PLEKHH1: variants seen among roughly 807,000 people sequenced by gnomAD.
PLEKHH1 encodes pleckstrin homology domain-containing family H member 1.
In PLEKHH1, 104 loss-of-function variants were observed where a neutral mutation model predicts 160.0. That is an observed-to-expected ratio of 0.65 (90% confidence interval 0.55 to 0.76). The LOEUF (loss-of-function observed/expected upper bound fraction) is 0.76, where lower values mean the gene tolerates loss of function less well. Among genes scored for constraint, PLEKHH1 ranks in the 30% least tolerant of loss-of-function variants. The pLI is 0.00. For missense variants in PLEKHH1, 1,427 were observed against 1,724.1 expected, an observed-to-expected ratio of 0.83 and a Z score of 3.05; for synonymous variants, 619 against 678.4, an observed-to-expected ratio of 0.91 and a Z score of 1.36.
intron 1 of PLEKHH1, among the ~76,000 whole-genome samples, chr14:67,538,836 C>T (rs1323819860): frequency 1.3e-5 from 2 of 152,134 alleles, no homozygotes; most frequent in Non-Finnish European, 2.9e-5. Flanking sequence ...TACGGAGATG[C>T]TTGATTGGGG....
At chr14:67,560,726 T>TC (rs1255732315) in intron 5 of PLEKHH1, among the ~76,000 whole-genome samples, 62 of 122,988 alleles carry the variant, frequency 5.0e-4, no homozygotes, top group African/African-American at 1.9e-3. Flanking sequence ...TGAACATATA[T>TC]CTTTTTTTTT....
At chr14:67,538,841 T>C (rs938869588) in intron 1 of PLEKHH1, among the ~76,000 whole-genome samples, 7 of 152,250 alleles carry the variant, frequency 4.6e-5, no homozygotes, top group Admixed American at 1.3e-4. Flanking sequence ...AGATGCTTGA[T>C]TGGGGAAAGC....
chr14:67,542,328 G>C (rs959580393), intron 2 of PLEKHH1, among the ~76,000 whole-genome samples: 3 of 152,042 alleles, frequency 2.0e-5, no homozygotes, highest in African/African-American at 7.3e-5. Flanking sequence ...ACGGTGTTTC[G>C]GGAGAAAACA....
intron 7 of PLEKHH1, 109 bp downstream of exon 7, chr14:67,563,003 T>C: frequency 8.8e-7 from 1 of 1,142,210 alleles, no homozygotes; most frequent in Non-Finnish European, 1.2e-6. Context: ...GGCATCCTCA[T>C]GGTGGCCCTG....
At chr14:67,577,967 G>A in intron 18 of PLEKHH1, 56 bp from the exon 19 acceptor site, 2 of 1,537,358 alleles carry the variant, frequency 1.3e-6, no homozygotes, top group South Asian at 2.4e-5. Context: ...AAGCCGTTGA[G>A]TTCTCTGAAC....
Position 67,569,140 on chromosome 14 carries a change from G to A in PLEKHH1, c.1266G>A (p.Glu422=), listed in dbSNP as rs749753876. 1 of 1,609,670 alleles carries A rather than the reference G, an allele frequency of 6.2e-7. No individual in the cohort carries two copies. The highest frequency in any genetic ancestry group is 1.1e-5 in the South Asian group (1 of 90,972). ...TPPLHQFSSW[E]SRIYAVATSG... is the part of the protein sequence containing the mutation. ...CTTCCTGAGACCTCTTGTTTCAGGA[G>A]AGCCGGATCTATGCTGTGGCCACAT... Residue 422 remains glutamate (E), a splice_region_variant and synonymous_variant, in exon 8 of 29, where the codon GAG becomes GAA. Transcript: ENST00000329153.
chr14:67,586,851 G>A (rs1322938615), intron 28 of PLEKHH1: 10 of 1,503,098 alleles, frequency 6.7e-6, no homozygotes, highest in Non-Finnish European at 8.9e-6. Context: ...TTCTCAGAAG[G>A]GCACTGTGCA....
Position 67,562,904 on chromosome 14 carries a change from A to G in PLEKHH1, c.1263+10A>G. Reference sequence around the variant, plus strand: ...CCAGTTTTCATCCTGGGTAAGAGGCAACCTCCGGGCTGGGCAGAGGAGCAG... The same window carrying G: ...CCAGTTTTCATCCTGGGTAAGAGGCGACCTCCGGGCTGGGCAGAGGAGCAG... On this transcript the variant is annotated intron_variant, in intron 7 of 28. Coordinates refer to ENST00000329153, the MANE Select transcript of PLEKHH1 (RefSeq NM_020715.3). 3 of 1,609,652 alleles carry G rather than the reference A, an allele frequency of 1.9e-6. No individual in the cohort carries two copies. The highest frequency in any genetic ancestry group is 2.2e-5 in the South Asian group (2 of 90,738).
At position 67,582,385 on chromosome 14, in the gene PLEKHH1, C is replaced by T. The variant is rs2035943253; in HGVS notation, c.3426+175C>T. 1.8e-5 allele frequency: 20 copies of T among 1,105,602 alleles called. No individual in the cohort carries two copies. The highest frequency in any genetic ancestry group is 1.2e-4 in the South Asian group (8 of 68,554). 68.5% of individuals were successfully genotyped at this position (1,105,602 alleles called of 1,614,324 possible). The stretch of plus-strand genomic sequence containing the variant: ...CTACAGATCAGAGCTCCTCACTCAC[C>T]GCAGATATAGGATGCGTGCAGATGG... On this transcript the variant is annotated intron_variant, in intron 24 of 28. Coordinates refer to ENST00000329153, the MANE Select transcript of PLEKHH1 (RefSeq NM_020715.3). This position sits in a 1 kb window ranked among gnomAD's most constrained non-coding sequence, Gnocchi z 5.0.
chr14:67,534,101 C>A (rs1253092181), intron 1 of PLEKHH1, among the ~76,000 whole-genome samples: 1 of 152,106 alleles, frequency 6.6e-6, no homozygotes, highest in East Asian at 1.9e-4. Context: ...ACTTGAAAGA[C>A]CATTTAAAAA....
At chr14:67,534,181 T>C (rs1231103067) in intron 1 of PLEKHH1, among the ~76,000 whole-genome samples, 1 of 152,218 alleles carries the variant, frequency 6.6e-6, no homozygotes, top group Non-Finnish European at 1.5e-5. Flanking sequence ...AGACACTGTG[T>C]ATAGGGCTAG....
At position 67,577,429 on chromosome 14, in the gene PLEKHH1, C is replaced by T. The variant is rs748182843; in HGVS notation, c.2574+15C>T. ...AGCTCTTCAAGGTAAATTGGGGTGG[C>T]GGCCAGGCCCACCGCTGGGATACTT... On this transcript the variant is annotated intron_variant, in intron 18 of 28. Transcript: ENST00000329153. The T allele has an allele frequency of 8.8e-6, 13 of 1,478,214 alleles. No individual in the cohort carries two copies. Among genetic ancestry groups the T allele is most frequent in the South Asian group, 3.6e-5 (3 of 82,902 alleles). 91.6% of individuals were successfully genotyped at this position (1,478,214 alleles called of 1,614,324 possible). A position where few individuals can be genotyped will look rare whatever the true frequency, so the allele number is the denominator to read the frequency against.
chr14:67,584,711 G>A (rs1287525921), intron 26 of PLEKHH1, among the ~76,000 whole-genome samples: 1 of 152,194 alleles, frequency 6.6e-6, no homozygotes, highest in Non-Finnish European at 1.5e-5. Flanking sequence ...GTCCAGTGCT[G>A]GTTGTTTGAG....
chr14:67,545,434 G>C (rs1394424469), intron 2 of PLEKHH1, among the ~76,000 whole-genome samples: 1 of 152,062 alleles, frequency 6.6e-6, no homozygotes, highest in East Asian at 1.9e-4. Flanking sequence ...TAATAGGAGG[G>C]ATAACAAATA....
intron 10 of PLEKHH1, 110 bp from the exon 11 acceptor site, chr14:67,572,025 C>T: frequency 6.8e-7 from 1 of 1,479,870 alleles, no homozygotes; most frequent in East Asian, 2.5e-5. Context: ...AGCTCCACCC[C>T]CAGCCCCAGA....
chr14:67,573,832 T>C lies in PLEKHH1; in HGVS notation c.1871T>C (p.Val624Ala). The C allele has an allele frequency of 6.2e-7, 1 of 1,613,734 alleles. No homozygotes were observed. Among genetic ancestry groups the C allele is most frequent in the Non-Finnish European group, 8.5e-7 (1 of 1,179,654 alleles). ...SDVIRKPQGQVDLNSRCQIVR... is the reference protein window; with the variant it reads ...SDVIRKPQGQADLNSRCQIVR... ...GTCATCCGGAAACCTCAAGGCCAAG[T>C]GGATCTGAACTCCCGCTGCCAAATT... The change falls in exon 13 of 29, where the codon GTG (valine) becomes GCG (alanine). Residue 624 changes from valine (V) to alanine (A), a missense_variant. Val to Ala is a moderately conservative substitution (Grantham distance 64). Transcript: ENST00000329153. The surrounding 1 kb of genome is among the most constrained non-coding windows in gnomAD (Gnocchi z 4.8).
chr14:67,583,743 A>G lies in PLEKHH1; in HGVS notation c.3429A>G (p.Val1143=), dbSNP rs1488267352. ...CTCTTCATATGCTTCTACCACAGGT[A>G]GAATATGGGGACTTGGAGAAGCCTG... is the stretch of plus-strand genomic sequence containing the variant. ...ALEMAALMAQ[V]EYGDLEKPAL... Residue 1143 remains valine, a splice_region_variant and synonymous_variant, in exon 25 of 29, where the codon GTA becomes GTG. Transcript: ENST00000329153. 6.2e-7 allele frequency: 1 copy of G among 1,610,564 alleles called. No homozygotes were observed. Among genetic ancestry groups the G allele is most frequent in the Non-Finnish European group, 8.5e-7 (1 of 1,178,284 alleles).
intron 1 of PLEKHH1, among the ~76,000 whole-genome samples, chr14:67,534,805 A>G (rs2033636215): frequency 6.6e-6 from 1 of 152,184 alleles, no homozygotes; most frequent in Admixed American, 6.5e-5. Context: ...AAAAAATCCA[A>G]AGAAATGTCT....
chr14:67,574,376 G>T lies in PLEKHH1; in HGVS notation c.2061G>T (p.Lys687Asn). ...CAGCTCTGCTTCGGGGTGGCACCAA[G>T]CCCACCGTGAAGGGCTGGCTGACCA... ...GPPALLRGGTKPTVKGWLTKV... is the reference protein window; with the variant it reads ...GPPALLRGGTNPTVKGWLTKV... Residue 687 changes from lysine (K) to asparagine (N), a missense_variant, in exon 14 of 29, where the codon AAG (lysine) becomes AAT (asparagine). Around this residue, in one of 6 missense-constraint regions of PLEKHH1, gnomAD observed 831 missense variants for 929.2 expected, o/e 0.89. Transcript: ENST00000329153. The surrounding 1 kb of genome is among the most constrained non-coding windows in gnomAD (Gnocchi z 4.2). The T allele has an allele frequency of 6.3e-7, 1 of 1,587,842 alleles. No homozygotes were observed. The highest frequency in any genetic ancestry group is 1.8e-5 in the Admixed American group (1 of 55,578).
Sources: gnomAD v4.1 joint callset for allele counts (sites outside exome capture counted in the v4.1 genomes callset) on GRCh38, gnomAD v4.1.1 for gene constraint, gnomAD v4.1.1 regional missense constraint, Gnocchi (gnomAD v3.1) non-coding constraint, MANE v1.5 for transcripts, NCBI Gene and HGNC (gene_info 2026-07-23, HGNC 2026-07-21) for gene names.